The following RSU1 variants were observed in gnomAD, a reference collection of about 807,000 sequenced individuals.
RSU1 encodes rsu-1.
RSU1 carries 26 observed loss-of-function variants against 31.1 expected under a neutral mutation model. The ratio of observed to expected loss-of-function variants is 0.84; its 90% CI spans 0.61 to 1.16. RSU1 has a LOEUF of 1.16. Ranked by LOEUF, RSU1 falls within the 50% of genes most tolerant of loss-of-function variation. The probability of loss-of-function intolerance (pLI) is 0.00; values close to 1 mark genes in which losing one functional copy is unlikely to be tolerated. For missense variants in RSU1, 320 were observed against 339.1 expected (o/e 0.94, Z 0.44); for synonymous variants, 164 against 136.3 (o/e 1.20, Z -1.41).
chr10:16,719,016 G>C (rs1018862043), intron 7 of RSU1, among the ~76,000 whole-genome samples: 2 of 151,200 alleles, frequency 1.3e-5, no homozygotes, highest in Non-Finnish European at 2.9e-5. Flanking sequence ...TTGGCTGGGC[G>C]TAAGGCTCAT....
chr10:16,604,314 C>T (rs1833762907), intron 8 of RSU1, among the ~76,000 whole-genome samples: 2 of 152,142 alleles, frequency 1.3e-5, no homozygotes, highest in Non-Finnish European at 2.9e-5. Context: ...ATAAGCAGAC[C>T]AGGGATATCA....
rs111537952 is a variant in RSU1, at chr10:16,645,340, T to A, written c.731+49683A>T. Reference sequence around the variant, plus strand: ...TGTTTGCATGTTTCCCAAAAGCTCATCTTTTCCTCCAAAATGTCATAGAAG... The same window carrying A: ...TGTTTGCATGTTTCCCAAAAGCTCAACTTTTCCTCCAAAATGTCATAGAAG... On this transcript the variant is annotated intron_variant, in intron 8 of 8. Transcript: ENST00000345264. Among the ~76,000 whole-genome samples, 1,372 of 152,292 alleles carry A rather than the reference T, an allele frequency of 9.0e-3. 17 individuals are homozygous for A. Among genetic ancestry groups the A allele is most frequent in the African/African-American group, 0.031 (1,275 of 41,550 alleles).
chr10:16,663,547 A>G (rs1187380598), intron 8 of RSU1, among the ~76,000 whole-genome samples: 3 of 152,188 alleles, frequency 2.0e-5, no homozygotes, highest in Non-Finnish European at 4.4e-5. Context: ...CAGGGCCATT[A>G]TCTCTGCCAT....
intron 8 of RSU1, among the ~76,000 whole-genome samples, chr10:16,634,248 A>T (rs1737504690): frequency 6.6e-6 from 1 of 152,162 alleles, no homozygotes; most frequent in South Asian, 2.1e-4. Context: ...GGAAACAGAA[A>T]TTTCTTCTCT....
chr10:16,675,557 C>T (rs560905239), intron 8 of RSU1, among the ~76,000 whole-genome samples: 5 of 152,106 alleles, frequency 3.3e-5, no homozygotes, highest in East Asian at 3.9e-4. Context: ...TAGAGACCAG[C>T]GTCAGGAAGA....
At chr10:16,717,837 A>C (rs980167442) in intron 7 of RSU1, among the ~76,000 whole-genome samples, 1 of 151,750 alleles carries the variant, frequency 6.6e-6, no homozygotes, top group Non-Finnish European at 1.5e-5. Flanking sequence ...GTCCTAACAC[A>C]AAAAAAACGC....
chr10:16,760,297 G>C (rs1031319413), intron 4 of RSU1, among the ~76,000 whole-genome samples: 1 of 152,070 alleles, frequency 6.6e-6, no homozygotes, highest in Non-Finnish European at 1.5e-5. Flanking sequence ...ATCACCTGAG[G>C]TCAGGAGTTC....
At chr10:16,742,727 T>C (rs1259696780) in intron 7 of RSU1, among the ~76,000 whole-genome samples, 4 of 152,162 alleles carry the variant, frequency 2.6e-5, no homozygotes, top group African/African-American at 9.7e-5. Context: ...GGCAAGCTTT[T>C]CCAGCTGGTG....
At chr10:16,643,699 A>G (rs7093806) in intron 8 of RSU1, among the ~76,000 whole-genome samples, 50,515 of 151,878 alleles carry the variant, frequency 0.33, 9,409 homozygotes, top group African/African-American at 0.5. Flanking sequence ...CCAAATCTAC[A>G]TAACAGACTT....
chr10:16,722,291 G>C (rs1230667099), intron 7 of RSU1, among the ~76,000 whole-genome samples: 1 of 152,074 alleles, frequency 6.6e-6, no homozygotes, highest in African/African-American at 2.4e-5. Flanking sequence ...GGGGGTCTTG[G>C]AACATATCCC....
chr10:16,684,731 G>C (rs1443191906), intron 8 of RSU1, among the ~76,000 whole-genome samples: 2 of 152,102 alleles, frequency 1.3e-5, no homozygotes, highest in Non-Finnish European at 2.9e-5. Flanking sequence ...TGTGGTACTT[G>C]GTTATGGCAG....
chr10:16,733,958 C>G (rs988549110), intron 7 of RSU1, among the ~76,000 whole-genome samples: 5 of 152,246 alleles, frequency 3.3e-5, no homozygotes, highest in African/African-American at 4.8e-5. Context: ...AATGACCAAA[C>G]AATGAACCTT....
At chr10:16,605,324 C>G (rs917398209) in intron 8 of RSU1, among the ~76,000 whole-genome samples, 7 of 152,268 alleles carry the variant, frequency 4.6e-5, no homozygotes, top group African/African-American at 1.7e-4. Context: ...TTCCTGCCTC[C>G]CCTGATAGAA....
intron 7 of RSU1, among the ~76,000 whole-genome samples, chr10:16,732,644 G>A (rs533759944): frequency 2.0e-5 from 3 of 152,330 alleles, no homozygotes; most frequent in Admixed American, 2.0e-4. Context: ...AGCTGACTAA[G>A]ATACTGCAGA....
chr10:16,639,217 C>T (rs907793809), intron 8 of RSU1, among the ~76,000 whole-genome samples: 14 of 152,166 alleles, frequency 9.2e-5, no homozygotes, highest in Admixed American at 2.6e-4. Flanking sequence ...CAAAATCACA[C>T]GTGACTCCGG....
intron 8 of RSU1, among the ~76,000 whole-genome samples, chr10:16,620,616 C>T (rs1323782837): frequency 1.3e-5 from 2 of 151,270 alleles, no homozygotes; most frequent in Non-Finnish European, 2.9e-5. Context: ...GAGGCCGAGG[C>T]GGGCGGATCA....
intron 8 of RSU1, among the ~76,000 whole-genome samples, chr10:16,624,205 CAT>C (rs1491506752): frequency 1.4e-5 from 2 of 140,838 alleles, no homozygotes; most frequent in Admixed American, 6.9e-5. Flanking sequence ...CAAGCTTGCA[CAT>C]GTGTGTGTGT....
chr10:16,656,211 T>C (rs530056734), intron 8 of RSU1, among the ~76,000 whole-genome samples: 85 of 152,292 alleles, frequency 5.6e-4, no homozygotes, highest in African/African-American at 2.0e-3. Context: ...ATATTTGACA[T>C]GTATCCTTCA....
At chr10:16,676,150 C>T (rs1168719176) in intron 8 of RSU1, among the ~76,000 whole-genome samples, 1 of 152,182 alleles carries the variant, frequency 6.6e-6, no homozygotes, top group Non-Finnish European at 1.5e-5. Context: ...AGCCCGACTA[C>T]AAAATAACAC....
Sources: gnomAD v4.1 joint callset for allele counts (sites outside exome capture counted in the v4.1 genomes callset) on GRCh38, gnomAD v4.1.1 for gene constraint, MANE v1.5 for transcripts, NCBI Gene and HGNC (gene_info 2026-07-23, HGNC 2026-07-21) for gene names.